Variants in XKR6 observed in about 807,000 individuals in gnomAD.
XKR6 encodes XK related 6, also known as XK-related protein 6.
XKR6 carries 22 observed loss-of-function variants against 56.7 expected under a neutral mutation model. The observed-to-expected ratio is 0.39, with a 90% CI of 0.28 to 0.55. The LOEUF (loss-of-function observed/expected upper bound fraction) is 0.55. XKR6 is among the 20% of genes least tolerant of loss of function. The probability of loss-of-function intolerance (pLI) is 0.66; values close to 1 mark genes in which losing one functional copy is unlikely to be tolerated. For synonymous variants in XKR6, 524 were observed against 387.8 expected (o/e 1.35, Z -4.13); for missense variants, 852 against 889.0 (o/e 0.96, Z 0.53).
At chr8:11,195,187 T>G (rs2117147658) in intron 1 of XKR6, 2 of 703,208 alleles carry the variant, frequency 2.8e-6, no homozygotes, top group East Asian at 5.4e-5. Flanking sequence ...AATCTGCTCC[T>G]TCTTTTCCTT....
At chr8:10,990,322 G>C (rs113881758) in intron 1 of XKR6, among the ~76,000 whole-genome samples, 3,032 of 152,272 alleles carry the variant, frequency 0.02, 70 homozygotes, top group African/African-American at 0.053. Context: ...TTGGGGCTGG[G>C]GTACTGGCCG....
At chr8:11,123,696 A>G in intron 1 of XKR6, 2 of 363,110 alleles carry the variant, frequency 5.5e-6, no homozygotes, top group South Asian at 4.1e-5. Flanking sequence ...TATATTTCAT[A>G]TTTTTCAAGA....
At chr8:11,151,166 T>A (rs1801250593) in intron 1 of XKR6, among the ~76,000 whole-genome samples, 1 of 152,184 alleles carries the variant, frequency 6.6e-6, no homozygotes, top group Non-Finnish European at 1.5e-5. Context: ...AGTGACATAC[T>A]CATTGGATAT....
intron 1 of XKR6, among the ~76,000 whole-genome samples, chr8:11,092,270 C>G (rs1411641909): frequency 6.6e-6 from 1 of 152,212 alleles, no homozygotes; most frequent in African/African-American, 2.4e-5. Context: ...ACTCATTGTG[C>G]ACGCACACAC....
chr8:11,038,985 C>G (rs1205809941), intron 1 of XKR6, among the ~76,000 whole-genome samples: 2 of 152,190 alleles, frequency 1.3e-5, no homozygotes, highest in African/African-American at 4.8e-5. Context: ...CAGTTGTCGA[C>G]GCCACCCCCA....
At chr8:10,991,352 T>C (rs1454703425) in intron 1 of XKR6, among the ~76,000 whole-genome samples, 1 of 152,186 alleles carries the variant, frequency 6.6e-6, no homozygotes, top group East Asian at 1.9e-4. Context: ...GTTCAAAGCT[T>C]TCCTGTAGTT....
chr8:10,935,363 T>C lies in XKR6; in HGVS notation c.765-10533A>G, dbSNP rs1391055312. On this transcript the variant is annotated intron_variant, in intron 1 of 2. Transcript: ENST00000416569. Reference sequence around the variant, plus strand: ...TTCAAAAAACCAGCTCCTGGATTCATTGATTTTTTGAAGGGTTTTTTGTGT... The same window carrying C: ...TTCAAAAAACCAGCTCCTGGATTCACTGATTTTTTGAAGGGTTTTTTGTGT... Among the ~76,000 whole-genome samples the C allele has an allele frequency of 5.3e-5, 7 of 131,372 alleles. No individual in the cohort carries two copies. In the East Asian group the frequency reaches 5.8e-4, roughly 11 times the overall value. 86.2% of individuals were successfully genotyped at this position (131,372 alleles called of 152,430 possible). A position where few individuals can be genotyped will look rare whatever the true frequency, so the allele number is the denominator to read the frequency against.
chr8:11,103,460 T>C (rs1798561743), intron 1 of XKR6, among the ~76,000 whole-genome samples: 1 of 152,200 alleles, frequency 6.6e-6, no homozygotes, highest in Non-Finnish European at 1.5e-5. Context: ...GGAAAGGTAA[T>C]TCTTTATTTC....
intron 1 of XKR6, among the ~76,000 whole-genome samples, chr8:10,957,672 G>A (rs1318927716): frequency 6.6e-6 from 1 of 152,134 alleles, no homozygotes; most frequent in Non-Finnish European, 1.5e-5. Context: ...TCTCACTCTG[G>A]GCAGCATGGC....
chr8:10,989,977 G>A (rs888552117), intron 1 of XKR6, among the ~76,000 whole-genome samples: 1 of 152,206 alleles, frequency 6.6e-6, no homozygotes, highest in Non-Finnish European at 1.5e-5. Flanking sequence ...GGAATCAGAG[G>A]TCTGCAGAGC....
chr8:10,973,135 C>A (rs960459412), intron 1 of XKR6, among the ~76,000 whole-genome samples: 1 of 152,168 alleles, frequency 6.6e-6, no homozygotes, highest in Non-Finnish European at 1.5e-5. Context: ...CATTATAGGA[C>A]TAGAGTTTTA....
chr8:10,964,866 C>T (rs1802169752), intron 1 of XKR6, among the ~76,000 whole-genome samples: 1 of 152,226 alleles, frequency 6.6e-6, no homozygotes, highest in Non-Finnish European at 1.5e-5. Context: ...CTGACATAGC[C>T]CACGTCTGTG....
At chr8:11,024,207 GTGTGTGTGTGTGTGT>G in intron 1 of XKR6, among the ~76,000 whole-genome samples, 1 of 45,436 alleles carries the variant, frequency 2.2e-5, no homozygotes, top group African/African-American at 1.6e-4. Context: ...GTTAGGAGGT[GTGTGTGTGTGTGTGT>G]GTGTGTGTGT....
At chr8:10,903,808 G>A (rs950194377) in intron 2 of XKR6, among the ~76,000 whole-genome samples, 5 of 152,170 alleles carry the variant, frequency 3.3e-5, no homozygotes, top group African/African-American at 7.2e-5. Flanking sequence ...ACCGCAGCCT[G>A]AGCAGACGTA....
chr8:11,114,675 A>G (rs1586563320), intron 1 of XKR6, among the ~76,000 whole-genome samples: 2 of 151,714 alleles, frequency 1.3e-5, no homozygotes, highest in South Asian at 4.2e-4. Context: ...ATTTATTTTT[A>G]ATAGAGTTAA....
chr8:11,150,994 CCTTAA>C (rs1801242297), intron 1 of XKR6, among the ~76,000 whole-genome samples: 1 of 151,530 alleles, frequency 6.6e-6, no homozygotes, highest in Admixed American at 6.6e-5. Flanking sequence ...TGCTATCTTT[CCTTAA>C]CTTAAAATTA....
intron 1 of XKR6, among the ~76,000 whole-genome samples, chr8:11,139,318 C>G (rs1026835762): frequency 1.3e-5 from 2 of 152,116 alleles, no homozygotes; most frequent in African/African-American, 4.8e-5. Context: ...TCAAAGAATC[C>G]TGTGGACAGC....
intron 1 of XKR6, among the ~76,000 whole-genome samples, chr8:10,994,543 G>A (rs931600312): frequency 8.5e-5 from 13 of 152,220 alleles, no homozygotes; most frequent in African/African-American, 3.1e-4. Context: ...GGTCACATCT[G>A]CTCTAAGAAT....
chr8:11,131,649 C>A (rs1800109371), intron 1 of XKR6, among the ~76,000 whole-genome samples: 1 of 152,164 alleles, frequency 6.6e-6, no homozygotes, highest in Non-Finnish European at 1.5e-5. Context: ...CTTTTCCAGT[C>A]ATGCAACACA....
Sources: allele counts gnomAD v4.1 joint callset (sites outside exome capture counted in the v4.1 genomes callset), GRCh38; gene constraint gnomAD v4.1.1; transcripts MANE v1.5; gene names NCBI Gene and HGNC (gene_info 2026-07-23, HGNC 2026-07-21).